CDH8: variants seen among roughly 807,000 people sequenced by gnomAD.
CDH8 encodes cadherin-8.
CDH8 carries 17 observed loss-of-function variants against 68.1 expected under a neutral mutation model. The ratio of observed to expected loss-of-function variants is 0.25; its 90% CI spans 0.17 to 0.37. The LOEUF is 0.37. CDH8 is among the 10% of genes least tolerant of loss of function. The probability of loss-of-function intolerance (pLI) is 1.00; values close to 1 mark genes in which losing one functional copy is unlikely to be tolerated. For synonymous variants in CDH8, 372 were observed against 365.1 expected (o/e 1.02, Z -0.21); for missense variants, 763 against 999.3 (o/e 0.76, Z 3.19).
chr16:61,682,504 A>G (rs1472555902), intron 10 of CDH8, among the ~76,000 whole-genome samples: 3 of 151,908 alleles, frequency 2.0e-5, no homozygotes, highest in Non-Finnish European at 4.4e-5. Flanking sequence ...TTTTGTTACC[A>G]TGGTCTCACA....
chr16:61,782,501 G>T (rs937172513), intron 8 of CDH8, among the ~76,000 whole-genome samples: 2 of 151,986 alleles, frequency 1.3e-5, no homozygotes, highest in African/African-American at 2.4e-5. Flanking sequence ...AGGCAGCAGC[G>T]AGGCTGGGGG....
intron 1 of CDH8, chr16:62,034,938 A>C (rs1189317646): frequency 6.6e-6 from 1 of 152,220 alleles, no homozygotes; most frequent in African/African-American, 2.4e-5. Flanking sequence ...CCGCTGGTGG[A>C]GGCAAACGGC....
intron 2 of CDH8, chr16:61,918,358 G>C (rs1209643491): frequency 1.3e-5 from 2 of 156,454 alleles, no homozygotes; most frequent in Non-Finnish European, 2.8e-5. Context: ...CTCCCAGCGT[G>C]AGCGACGCAG....
chr16:61,897,200 T>C (rs543631660), intron 3 of CDH8, among the ~76,000 whole-genome samples: 1 of 151,804 alleles, frequency 6.6e-6, no homozygotes, highest in African/African-American at 2.4e-5. Context: ...TGGAGAAATA[T>C]ATACATGTGT....
chr16:61,998,209 TA>T (rs1408762771), intron 2 of CDH8, among the ~76,000 whole-genome samples: 1 of 152,164 alleles, frequency 6.6e-6, no homozygotes, highest in Non-Finnish European at 1.5e-5. Context: ...GAAGCAAAAT[TA>T]AACACTTGAT....
intron 2 of CDH8, among the ~76,000 whole-genome samples, chr16:61,924,124 G>A (rs991069601): frequency 6.6e-6 from 1 of 151,874 alleles, no homozygotes; most frequent in African/African-American, 2.4e-5. Flanking sequence ...CCTTTCTGTG[G>A]TTGTTGTTGT....
intron 2 of CDH8, among the ~76,000 whole-genome samples, 178 bp from the exon 3 acceptor site, chr16:61,901,651 A>G (rs1963975844): frequency 6.6e-6 from 1 of 152,234 alleles, no homozygotes; most frequent in Non-Finnish European, 1.5e-5. Flanking sequence ...AAATATAATG[A>G]AATTCATCTA....
chr16:61,748,919 C>T (rs1960090783), intron 8 of CDH8, among the ~76,000 whole-genome samples: 1 of 151,946 alleles, frequency 6.6e-6, no homozygotes, highest in Admixed American at 6.6e-5. Flanking sequence ...CAAATATGCC[C>T]TAAAATATTT....
intron 3 of CDH8, among the ~76,000 whole-genome samples, chr16:61,861,573 A>G (rs1255397415): frequency 2.0e-5 from 3 of 152,210 alleles, no homozygotes; most frequent in Non-Finnish European, 4.4e-5. Context: ...AAAGACAAAC[A>G]ATTTTTATTC....
chr16:61,917,100 TGTGTGTATG>T (rs1964251452), intron 2 of CDH8, among the ~76,000 whole-genome samples: 1 of 149,500 alleles, frequency 6.7e-6, no homozygotes, highest in African/African-American at 2.5e-5. Context: ...TGTGTGTGTG[TGTGTGTATG>T]ATGTCTGTCC....
chr16:61,828,960 T>C (rs1019839147), intron 4 of CDH8, among the ~76,000 whole-genome samples: 9 of 151,824 alleles, frequency 5.9e-5, no homozygotes, highest in Non-Finnish European at 7.4e-5. Context: ...TTTTAATGCT[T>C]ATGTTGATGG....
At chr16:61,784,928 A>G (rs1284544148) in intron 8 of CDH8, among the ~76,000 whole-genome samples, 1 of 152,052 alleles carries the variant, frequency 6.6e-6, no homozygotes, top group Non-Finnish European at 1.5e-5. Context: ...TCTGGGACGC[A>G]TTCAAAGCAG....
At chr16:61,659,427 G>A (rs1321891751) in intron 10 of CDH8, among the ~76,000 whole-genome samples, 1 of 152,102 alleles carries the variant, frequency 6.6e-6, no homozygotes, top group Non-Finnish European at 1.5e-5. Flanking sequence ...GTTGGAGGAC[G>A]ATTTTCTGGG....
At chr16:61,938,648 G>A (rs1000503190) in intron 2 of CDH8, among the ~76,000 whole-genome samples, 4 of 152,156 alleles carry the variant, frequency 2.6e-5, no homozygotes, top group African/African-American at 9.6e-5. Flanking sequence ...GGTAACCTCT[G>A]GTTGTTAGTC....
chr16:61,982,218 G>A (rs936466200), intron 2 of CDH8, among the ~76,000 whole-genome samples: 2 of 151,970 alleles, frequency 1.3e-5, no homozygotes, highest in Admixed American at 6.6e-5. Flanking sequence ...GAGACATTAG[G>A]CAATTTTCTT....
chr16:61,751,399 A>AC (rs1159915756), intron 8 of CDH8, among the ~76,000 whole-genome samples: 2 of 149,392 alleles, frequency 1.3e-5, no homozygotes, highest in Non-Finnish European at 3.0e-5. Context: ...AAAAAAAAAA[A>AC]AAAAAAAAAA....
chr16:61,654,524 G>C (rs1444237232), intron 11 of CDH8, among the ~76,000 whole-genome samples: 1 of 152,076 alleles, frequency 6.6e-6, no homozygotes, highest in Admixed American at 6.5e-5. Flanking sequence ...CTAGGTCCTT[G>C]GGCTTTCACA....
At chr16:62,028,872 T>C (rs1902259191) in intron 1 of CDH8, among the ~76,000 whole-genome samples, 1 of 152,146 alleles carries the variant, frequency 6.6e-6, no homozygotes, top group Non-Finnish European at 1.5e-5. Flanking sequence ...AGTCTTTAGA[T>C]CACATGTTCA....
intron 10 of CDH8, among the ~76,000 whole-genome samples, chr16:61,676,501 CAG>C (rs1210282667): frequency 2.6e-5 from 4 of 151,774 alleles, no homozygotes; most frequent in Non-Finnish European, 5.9e-5. Context: ...AATGGATTAA[CAG>C]AATAAAGTAG....
Sources: gnomAD v4.1 joint callset for allele counts (sites outside exome capture counted in the v4.1 genomes callset) on GRCh38, gnomAD v4.1.1 for gene constraint, MANE v1.5 for transcripts, NCBI Gene and HGNC (gene_info 2026-07-23, HGNC 2026-07-21) for gene names.